The following HSPH1 variants were observed in gnomAD, a reference collection of about 807,000 sequenced individuals.
HSPH1 encodes heat shock protein family H (Hsp110) member 1.
HSPH1 carries 40 observed loss-of-function variants against 100.0 expected under a neutral mutation model. The observed-to-expected ratio is 0.40, with a 90% CI of 0.31 to 0.52. The LOEUF (loss-of-function observed/expected upper bound fraction) is 0.52. Ranked by LOEUF, HSPH1 falls within the 20% of genes least tolerant of loss-of-function variation. The pLI is 0.54. For synonymous variants in HSPH1, 403 were observed against 344.0 expected, an observed-to-expected ratio of 1.17 and a Z score of -1.90; for missense variants, 876 against 1,015.1, an observed-to-expected ratio of 0.86 and a Z score of 1.86.
intron 7 of HSPH1, 24 bp from the exon 8 acceptor site, chr13:31,150,206 T>TA: frequency 6.6e-7 from 1 of 1,508,454 alleles, no homozygotes; most frequent in African/African-American, 1.4e-5. Context: ...AACTTGTTTT[T>TA]AGAAAAGTTA....
At chr13:31,158,638 G>A (rs1227185197) in intron 2 of HSPH1, among the ~76,000 whole-genome samples, 168 bp downstream of exon 2, 1 of 150,406 alleles carries the variant, frequency 6.6e-6, no homozygotes, top group Non-Finnish European at 1.5e-5. Flanking sequence ...GGAACAGAAA[G>A]GAAAGAGTGT....
At chr13:31,147,281 G>GTCAGAACA (rs1243060966) in intron 10 of HSPH1, among the ~76,000 whole-genome samples, 1 of 152,112 alleles carries the variant, frequency 6.6e-6, no homozygotes, top group Non-Finnish European at 1.5e-5. Flanking sequence ...ACAACTCTGG[G>GTCAGAACA]TCAGAACATT....
chr13:31,150,130 GGGGTACTTCTATCT>G lies in HSPH1; in HGVS notation c.947_960del (p.Lys316ThrfsTer19), dbSNP rs764993078. The G allele has an allele frequency of 6.2e-7, 1 of 1,611,552 alleles. No homozygotes were observed. Among genetic ancestry groups the G allele is most frequent in the South Asian group, 1.1e-5 (1 of 90,948 alleles). On this transcript the variant is annotated frameshift_variant, in exon 8 of 18. Transcript: ENST00000320027. LOFTEE classifies it high-confidence loss of function. The stretch of plus-strand genomic sequence containing the variant: ...TGAGTTTGTTCCAACAGTGAATAAA[GGGGTACTTCTATCT>G]TTTGCAGAAGTTCAGCACAGAGTTC...
At chr13:31,161,414 T>C in intron 1 of HSPH1, 62 bp downstream of exon 1, 17 of 1,589,020 alleles carry the variant, frequency 1.1e-5, no homozygotes, top group Non-Finnish European at 1.4e-5. Flanking sequence ...GCCCGCGATC[T>C]TGGGTCCCCA....
upstream of HSPH1, chr13:31,162,261 C>T (rs1330952106): frequency 2.9e-6 from 2 of 680,894 alleles, no homozygotes; most frequent in African/African-American, 3.6e-5. Flanking sequence ...ATCCTTAACG[C>T]TAAAGGGAGG....
upstream of HSPH1, chr13:31,161,911 G>A (rs1196625914): frequency 2.6e-6 from 4 of 1,512,120 alleles, no homozygotes; most frequent in Non-Finnish European, 3.5e-6. Context: ...ACCCAAAAGG[G>A]GAGGTCCCAC....
chr13:31,158,727 C>T, intron 2 of HSPH1, 79 bp downstream of exon 2: 2 of 867,192 alleles, frequency 2.3e-6, no homozygotes, highest in Non-Finnish European at 3.9e-6. Context: ...CACACTTTAC[C>T]CTCTTATATG....
intron 3 of HSPH1, 94 bp downstream of exon 3, chr13:31,155,420 G>C: frequency 1.1e-6 from 1 of 933,824 alleles, no homozygotes; most frequent in Non-Finnish European, 1.6e-6. Context: ...AGACCACCTG[G>C]TGTAATTAAG....
rs1008670271 is a variant in HSPH1, at chr13:31,152,490, A to T, written c.529+362T>A. On this transcript the variant is annotated intron_variant, in intron 5 of 17. Coordinates refer to ENST00000320027, the MANE Select transcript of HSPH1 (RefSeq NM_006644.4). Reference sequence around the variant, plus strand: ...TCTACAGTTCAGTAGATAAAAAAAAATTTTTTAAACTAAATCATTTACTTA... The same window carrying T: ...TCTACAGTTCAGTAGATAAAAAAAATTTTTTTAAACTAAATCATTTACTTA... 6.8e-5 allele frequency: 15 copies of T among 220,690 alleles called. 1 individual carries two copies. Among genetic ancestry groups the T allele is most frequent in the Middle Eastern group, 3.8e-3 (2 of 528 alleles). The allele number at this position is 220,690 out of a possible 1,614,324, so 13.7% of individuals were successfully genotyped here.
chr13:31,154,417 C>T (rs117581269), intron 4 of HSPH1: 1 of 593,298 alleles, frequency 1.7e-6, no homozygotes, highest in Admixed American at 2.9e-5. Context: ...AAAAGTCTCA[C>T]AAGAGATTTT....
At chr13:31,158,463 C>T (rs1228059173) in intron 2 of HSPH1, among the ~76,000 whole-genome samples, 1 of 147,540 alleles carries the variant, frequency 6.8e-6, no homozygotes, top group Non-Finnish European at 1.5e-5. Flanking sequence ...GCAGGAGAAT[C>T]GCTTTAACCC....
Position 31,150,261 on chromosome 13 carries a change from T to C in HSPH1, c.909-79A>G, listed in dbSNP as rs1022893668. 4 of 1,022,516 alleles carry C rather than the reference T, an allele frequency of 3.9e-6. No individual in the cohort carries two copies. In the African/African-American group the frequency reaches 4.9e-5, roughly 12 times the overall value. The allele number at this position is 1,022,516 out of a possible 1,614,324, so 63.3% of individuals were successfully genotyped here. A position where few individuals can be genotyped will look rare whatever the true frequency, so the allele number is the denominator to read the frequency against. On this transcript the variant is annotated intron_variant, in intron 7 of 17. Coordinates refer to ENST00000320027, the MANE Select transcript of HSPH1 (RefSeq NM_006644.4). ...CTTTTGACAACCCAATGAATTTCAT[T>C]ATTTTCCCCCTCAGACACCTTGGAT...
At chr13:31,161,213 C>G (rs978595408) in intron 1 of HSPH1, among the ~76,000 whole-genome samples, 1 of 152,302 alleles carries the variant, frequency 6.6e-6, no homozygotes, top group Middle Eastern at 3.4e-3. Context: ...GAAGCCCGCA[C>G]AAGGTGACGA....
At position 31,161,771 on chromosome 13, in the gene HSPH1, G is replaced by T; in HGVS notation, c.-189C>A. The T allele has an allele frequency of 6.6e-6, 10 of 1,507,116 alleles. No individual in the cohort carries two copies. Among genetic ancestry groups the T allele is most frequent in the Non-Finnish European group, 8.9e-6 (10 of 1,129,372 alleles). The allele number at this position is 1,507,116 out of a possible 1,614,324, so 93.4% of individuals were successfully genotyped here. On this transcript the variant is annotated 5_prime_UTR_variant, in exon 1 of 18. Transcript: ENST00000320027. ...GTCAGGAGCCTCCTACTCCCCCGGG[G>T]ACAGCGGCGGCTGGCTGATAAGAAA... is the stretch of plus-strand genomic sequence containing the variant.
chr13:31,139,260 G>A (rs1292372641), intron 14 of HSPH1, 153 bp from the exon 15 acceptor site: 1 of 590,146 alleles, frequency 1.7e-6, no homozygotes, highest in Non-Finnish European at 3.0e-6. Flanking sequence ...CCTTGAAAAT[G>A]GCTCTCATTG....
chr13:31,156,606 A>G (rs1593212228), intron 2 of HSPH1, among the ~76,000 whole-genome samples: 1 of 152,294 alleles, frequency 6.6e-6, no homozygotes, highest in East Asian at 1.9e-4. Flanking sequence ...AGTCTAATAA[A>G]TTGCTAAGCG....
chr13:31,140,940 G>C (rs1956066975), intron 13 of HSPH1, 182 bp downstream of exon 13: 1 of 416,638 alleles, frequency 2.4e-6, no homozygotes, highest in South Asian at 8.0e-5. Context: ...CAAGCAGAAA[G>C]ATTTTTTTGT....
Position 31,161,872 on chromosome 13 carries a change from C to G in HSPH1, c.-290G>C, listed in dbSNP as rs1426315208. The G allele has an allele frequency of 9.4e-6, 14 of 1,484,586 alleles. No individual in the cohort carries two copies. The highest frequency in any genetic ancestry group is 1.3e-5 in the Non-Finnish European group (14 of 1,118,994). 92.0% of individuals were successfully genotyped at this position (1,484,586 alleles called of 1,614,324 possible). A position where few individuals can be genotyped will look rare whatever the true frequency, so the allele number is the denominator to read the frequency against. On this transcript the variant is annotated 5_prime_UTR_variant, in exon 1 of 18. Coordinates refer to ENST00000320027, the MANE Select transcript of HSPH1 (RefSeq NM_006644.4). ...TTGCCTGCCTCACTCTGCCGCGGCT[C>G]GCACACCGGCGCCGGCGCTGAACTA...
At position 31,135,384 on chromosome 13, in the gene HSPH1, T is replaced by C. The variant is rs912252929; in HGVS notation, c.*1934A>G. 6.6e-6 allele frequency: 1 copy of C among 152,198 alleles called. No homozygotes were observed. The highest frequency in any genetic ancestry group is 1.9e-4 in the East Asian group (1 of 5,202). The allele number at this position is 152,198 out of a possible 1,614,324, so 9.4% of individuals were successfully genotyped here. ...TAAATGTGTATCTACTAAGTATACA[T>C]TAATGTGCATTAAAGACATTCAGAA... On this transcript the variant is annotated 3_prime_UTR_variant, in exon 18 of 18. Transcript: ENST00000320027.
Sources: allele counts gnomAD v4.1 joint callset (sites outside exome capture counted in the v4.1 genomes callset), GRCh38; gene constraint gnomAD v4.1.1; transcripts MANE v1.5; gene names NCBI Gene and HGNC (gene_info 2026-07-23, HGNC 2026-07-21).